ITGB5: variants seen among roughly 807,000 people sequenced by gnomAD.
ITGB5 encodes the protein integrin subunit beta 5, also known as integrin beta-5.
Under a neutral mutation model 84.8 loss-of-function variants are expected in ITGB5, and 38 were observed. The ratio of observed to expected loss-of-function variants is 0.45; its 90% confidence interval spans 0.35 to 0.59. The LOEUF is 0.59. Ranked by LOEUF, ITGB5 falls within the 20% of genes least tolerant of loss-of-function variation. ITGB5 has a pLI of 0.01. For synonymous variants in ITGB5, 393 were observed against 414.4 expected (o/e 0.95, Z 0.63); for missense variants, 905 against 1,034.5 (o/e 0.87, Z 1.72).
At chr3:124,795,485 T>C (rs1308196368) in intron 10 of ITGB5, among the ~76,000 whole-genome samples, 1 of 149,398 alleles carries the variant, frequency 6.7e-6, no homozygotes, top group Non-Finnish European at 1.5e-5. Flanking sequence ...TGAGACTCCA[T>C]CTCAGAAAAA....
At chr3:124,880,972 A>G (rs1025564847) in intron 1 of ITGB5, among the ~76,000 whole-genome samples, 6 of 149,814 alleles carry the variant, frequency 4.0e-5, no homozygotes, top group South Asian at 2.2e-4. Context: ...GAAAAAGTAC[A>G]TATGTAAAAG....
intron 9 of ITGB5, among the ~76,000 whole-genome samples, chr3:124,808,115 GCT>G (rs1207679269): frequency 6.6e-6 from 1 of 152,134 alleles, no homozygotes; most frequent in Non-Finnish European, 1.5e-5. Context: ...GTCTCCGCAA[GCT>G]CTTTCCCTGA....
chr3:124,794,873 T>TA (rs1235277565), intron 10 of ITGB5, among the ~76,000 whole-genome samples: 1 of 147,886 alleles, frequency 6.8e-6, no homozygotes, highest in African/African-American at 2.5e-5. Context: ...AAGAAGAAAA[T>TA]AAAAAAAGGT....
chr3:124,819,776 A>T lies in ITGB5; in HGVS notation c.1001T>A (p.Ile334Asn). The T allele has an allele frequency of 6.2e-7, 1 of 1,614,012 alleles. No individual in the cohort carries two copies. Among genetic ancestry groups the T allele is most frequent in the South Asian group, 1.1e-5 (1 of 91,078 alleles). The change falls in exon 7 of 15, where the codon ATC (isoleucine) becomes AAC (asparagine). Residue 334 changes from isoleucine to asparagine, a missense_variant. Coordinates refer to ENST00000296181, the MANE Select transcript of ITGB5 (RefSeq NM_002213.5). ...ATAATGGTTTTTTGTCACTGCAAAG[A>T]TGAGGTTGATGTTGTTCTCTGCCAA... is the stretch of plus-strand genomic sequence containing the variant. ...EKLAENNINLIFAVTKNHYML... is the reference protein window; with the variant it reads ...EKLAENNINLNFAVTKNHYML...
chr3:124,815,317 AG>A (rs916090640), intron 8 of ITGB5, among the ~76,000 whole-genome samples: 1 of 152,342 alleles, frequency 6.6e-6, no homozygotes, highest in South Asian at 2.1e-4. Flanking sequence ...CGCCAGGAGC[AG>A]GGGGCCTGGG....
intron 5 of ITGB5, among the ~76,000 whole-genome samples, chr3:124,834,606 G>C (rs1246198187): frequency 1.1e-5 from 1 of 88,818 alleles, no homozygotes; most frequent in Non-Finnish European, 2.1e-5. Flanking sequence ...AAGAGAGAGA[G>C]AGAAGGGAAG....
At chr3:124,867,415 C>T (rs1442830027) in intron 2 of ITGB5, among the ~76,000 whole-genome samples, 1 of 152,244 alleles carries the variant, frequency 6.6e-6, no homozygotes, top group Non-Finnish European at 1.5e-5. Flanking sequence ...AACCTCCCAA[C>T]TTCTGCAAAC....
rs551135130 is a variant in ITGB5, at chr3:124,805,786, G to C, written c.1263+3236C>G. On this transcript the variant is annotated intron_variant, in intron 9 of 14. Coordinates refer to ENST00000296181, the MANE Select transcript of ITGB5 (RefSeq NM_002213.5). ...TTTTTAATCACTGTTTATTTGCATT[G>C]AGCCTTTGAGCCATTATAGTCTGCC... Among the ~76,000 whole-genome samples the C allele has an allele frequency of 2.0e-5, 3 of 151,748 alleles. No individual in the cohort carries two copies. The South Asian group carries it at 6.3e-4, about 32-fold the overall frequency.
chr3:124,824,160 T>A (rs2064749186), intron 5 of ITGB5, among the ~76,000 whole-genome samples: 1 of 152,210 alleles, frequency 6.6e-6, no homozygotes, highest in African/African-American at 2.4e-5. Flanking sequence ...GTTGGAGGAC[T>A]TCGTATCTTA....
intron 5 of ITGB5, among the ~76,000 whole-genome samples, chr3:124,823,390 G>A (rs2064736265): frequency 6.6e-6 from 1 of 152,016 alleles, no homozygotes; most frequent in Non-Finnish European, 1.5e-5. Flanking sequence ...GAAGCTCAGA[G>A]GGGAAAGGAG....
chr3:124,806,804 T>C (rs2064412839), intron 9 of ITGB5, among the ~76,000 whole-genome samples: 1 of 151,772 alleles, frequency 6.6e-6, no homozygotes, highest in African/African-American at 2.4e-5. Context: ...GTGTTTTTTT[T>C]TTTAATCATC....
chr3:124,817,578 G>A (rs2064624316), intron 8 of ITGB5, 43 bp downstream of exon 8: 2 of 1,083,392 alleles, frequency 1.8e-6, no homozygotes, highest in Non-Finnish European at 2.8e-6. Flanking sequence ...AGTGGGAGAG[G>A]GTGGAAGGGA....
intron 11 of ITGB5, among the ~76,000 whole-genome samples, chr3:124,771,740 C>T: frequency 8.0e-6 from 1 of 125,112 alleles, no homozygotes; most frequent in African/African-American, 3.8e-5. Flanking sequence ...GGGAGTGAGA[C>T]CCTGTCTCAA....
In ITGB5 at chr3:124,886,749, GGCGGGGCTGCGCGCGGGGAGCGCCCC is replaced by G. The variant is rs551883371; in HGVS notation, c.70+156_70+181del. 4.5e-4 allele frequency among the ~76,000 whole-genome samples: 68 copies of G among 151,702 alleles called. 1 individual carries two copies. The South Asian group carries it at 0.013, about 28-fold the overall frequency. On this transcript the variant is annotated intron_variant, in intron 1 of 14. Coordinates refer to ENST00000296181, the MANE Select transcript of ITGB5 (RefSeq NM_002213.5). ...GGGAACAGGAGACTCACGACAGCCC[GGCGGGGCTGCGCGCGGGGAGCGCCCC>G]GCGGGGCTGTCCCCCAGCGACTGGC...
rs1457472812 is a variant in ITGB5 at position 124,901,364 on chromosome 3, CT to C, written c.-354del. 3 of 152,140 alleles carry C rather than the reference CT, an allele frequency of 2.0e-5. No homozygotes were observed. The East Asian group carries it at 5.8e-4, about 29-fold the overall frequency. The allele number at this position is 152,140 out of a possible 1,614,324, so 9.4% of individuals were successfully genotyped here. A position where few individuals can be genotyped will look rare whatever the true frequency, so the allele number is the denominator to read the frequency against. On this transcript the variant is annotated 5_prime_UTR_variant, in exon 1 of 5. Coordinates refer to the ITGB5 transcript ENST00000608657. ...CGAGATCTCGCCACTGCACTCCAGCCTGGGCGACAGGGTGAGACTCTGTCTC... is the reference window on the plus strand; with the variant it reads ...CGAGATCTCGCCACTGCACTCCAGCCGGGCGACAGGGTGAGACTCTGTCTC...
chr3:124,763,249 G>A lies in ITGB5; in HGVS notation c.*374C>T, dbSNP rs113088187. 18 of 186,422 alleles carry A rather than the reference G, an allele frequency of 9.7e-5. No homozygotes were observed. Among genetic ancestry groups the A allele is most frequent in the Middle Eastern group, 2.3e-3 (1 of 428 alleles). 11.5% of individuals were successfully genotyped at this position (186,422 alleles called of 1,614,324 possible). A position where few individuals can be genotyped will look rare whatever the true frequency, so the allele number is the denominator to read the frequency against. ...ACTGTATGCTGGTTTTACAGACTCC[G>A]ACCCTTCCTGACAGTCTTCTTGTCT... On this transcript the variant is annotated 3_prime_UTR_variant, in exon 15 of 15. Transcript: ENST00000296181.
intron 2 of ITGB5, 31 bp from the exon 3 acceptor site, chr3:124,859,477 AG>A: frequency 6.3e-7 from 1 of 1,591,250 alleles, no homozygotes; most frequent in Non-Finnish European, 8.6e-7. Context: ...AGAGAGCAGG[AG>A]GTGGTCAGGG....
intron 5 of ITGB5, among the ~76,000 whole-genome samples, chr3:124,822,723 C>T (rs1398158405): frequency 3.3e-5 from 5 of 152,212 alleles, no homozygotes; most frequent in African/African-American, 1.2e-4. Flanking sequence ...ATTCATCCAG[C>T]ATTCAATCAC....
intron 11 of ITGB5, among the ~76,000 whole-genome samples, chr3:124,773,439 G>T (rs995878602): frequency 1.3e-5 from 2 of 152,220 alleles, no homozygotes; most frequent in African/African-American, 4.8e-5. Flanking sequence ...TTCTAAACGT[G>T]TTTAGGAACA....
Sources: allele counts gnomAD v4.1 joint callset (sites outside exome capture counted in the v4.1 genomes callset), GRCh38; gene constraint gnomAD v4.1.1; transcripts MANE v1.5; gene names NCBI Gene and HGNC (gene_info 2026-07-23, HGNC 2026-07-21).